Variants in EDA observed in about 807,000 individuals in gnomAD.
The protein encoded by EDA is ectodysplasin-A.
A neutral mutation model predicts 23.6 loss-of-function variants in EDA; 2 were observed. The ratio of observed to expected loss-of-function variants is 0.08; its 90% confidence interval spans 0.03 to 0.27. The LOEUF (loss-of-function observed/expected upper bound fraction) is 0.27, where lower values mean the gene tolerates loss of function less well. Ranked by LOEUF, EDA falls within the 10% of genes least tolerant of loss-of-function variation. The pLI is 1.00. For missense variants in EDA, 229 were observed against 324.2 expected (o/e 0.71, Z 2.26); for synonymous variants, 131 against 132.0 (o/e 0.99, Z 0.05).
At position 69,833,405 on chromosome X, in the gene EDA, A is replaced by G. The variant is rs2016674817; in HGVS notation, c.397-123622A>G. Among the ~76,000 whole-genome samples the G allele has an allele frequency of 2.7e-5, 3 of 111,172 alleles. No homozygotes were observed. In the South Asian group the frequency reaches 1.1e-3, roughly 42 times the overall value. ...GATGAAGCTGACTTGATCGTGGTGGATAAGCTTTTTGCTGTGCTGCTGGAT... is the reference window on the plus strand; with the variant it reads ...GATGAAGCTGACTTGATCGTGGTGGGTAAGCTTTTTGCTGTGCTGCTGGAT... On this transcript the variant is annotated intron_variant, in intron 1 of 7. Coordinates refer to ENST00000374552, the MANE Select transcript of EDA (RefSeq NM_001399.5).
chrX:69,808,534 C>G (rs2015868040), intron 1 of EDA, among the ~76,000 whole-genome samples: 1 of 111,644 alleles, frequency 9.0e-6, no homozygotes, highest in Non-Finnish European at 1.9e-5. Context: ...GACTCAAAGC[C>G]TCCAACCTAA....
At chrX:69,809,307 G>C (rs1216090061) in intron 1 of EDA, among the ~76,000 whole-genome samples, 1 of 111,016 alleles carries the variant, frequency 9.0e-6, no homozygotes, top group Non-Finnish European at 1.9e-5. Flanking sequence ...ACTAACAATC[G>C]TGGCAGAAGG....
intron 1 of EDA, among the ~76,000 whole-genome samples, chrX:69,686,664 A>G (rs1934553310): frequency 9.0e-6 from 1 of 111,502 alleles, no homozygotes; most frequent in Non-Finnish European, 1.9e-5. Context: ...CATTCTGGAC[A>G]TTTCATTTAA....
At chrX:69,678,228 T>C (rs1171211135) in intron 1 of EDA, among the ~76,000 whole-genome samples, 1 of 109,857 alleles carries the variant, frequency 9.1e-6, no homozygotes, top group South Asian at 4.0e-4. Flanking sequence ...ACTGTAGCCT[T>C]GTAGTATAGT....
intron 1 of EDA, among the ~76,000 whole-genome samples, chrX:69,818,719 C>T (rs1388424115): frequency 9.0e-6 from 1 of 111,076 alleles, no homozygotes; most frequent in African/African-American, 3.3e-5. Flanking sequence ...ATTGGGTCAG[C>T]AATAAATAGC....
chrX:70,028,062 A>AC, intron 4 of EDA, 26 bp downstream of exon 4: 1 of 1,192,933 alleles, frequency 8.4e-7, no homozygotes, highest in Non-Finnish European at 1.1e-6. Flanking sequence ...TCTCCACCCC[A>AC]CCAGGTGCCT....
At chrX:69,997,804 G>A (rs1255275678) in intron 2 of EDA, among the ~76,000 whole-genome samples, 1 of 112,474 alleles carries the variant, frequency 8.9e-6, no homozygotes, top group Non-Finnish European at 1.9e-5. Flanking sequence ...TAGAGCTTAG[G>A]CCATAGCTTC....
chrX:69,726,501 A>C (rs2012806902), intron 1 of EDA, among the ~76,000 whole-genome samples: 1 of 112,613 alleles, frequency 8.9e-6, no homozygotes, highest in Non-Finnish European at 1.9e-5. Context: ...AAATCTTTGG[A>C]GGAAGATAAT....
intron 1 of EDA, among the ~76,000 whole-genome samples, chrX:69,701,481 A>G (rs192356192): frequency 2.4e-3 from 266 of 112,057 alleles, no homozygotes; most frequent in African/African-American, 7.7e-3. Flanking sequence ...AGGGCCCCTT[A>G]TGGTGGAGGC....
At position 69,818,866 on chromosome X, in the gene EDA, A is replaced by G. The variant is rs1460180762; in HGVS notation, c.397-138161A>G. ...GAAAGACTCCTCTCAAACTCGTTTT[A>G]TGAAGCCAGTATCATCCTGATACCA... On this transcript the variant is annotated intron_variant, in intron 1 of 7. Coordinates refer to ENST00000374552, the MANE Select transcript of EDA (RefSeq NM_001399.5). Among the ~76,000 whole-genome samples, 6 of 112,263 alleles carry G rather than the reference A, an allele frequency of 5.3e-5. No homozygotes were observed. In the Admixed American group the frequency reaches 5.7e-4, roughly 11 times the overall value.
At chrX:69,824,306 G>A (rs1198892515) in intron 1 of EDA, among the ~76,000 whole-genome samples, 9 of 110,074 alleles carry the variant, frequency 8.2e-5, no homozygotes, top group Admixed American at 6.8e-4. Context: ...CCATTTTCAC[G>A]ATATTGATTC....
At chrX:69,910,374 A>AGAGAGAGTGTGTGTGTGTGT (rs1191245556) in intron 1 of EDA, among the ~76,000 whole-genome samples, 1 of 41,746 alleles carries the variant, frequency 2.4e-5, no homozygotes, top group East Asian at 7.4e-4. Flanking sequence ...AGAGAGAGAG[A>AGAGAGAGTGTGTGTGTGTGT]GTGTGTGTGT....
chrX:69,683,175 A>T, intron 1 of EDA, among the ~76,000 whole-genome samples: 1 of 111,324 alleles, frequency 9.0e-6, no homozygotes, highest in East Asian at 2.8e-4. Flanking sequence ...TAAGTACTCT[A>T]ATGTCTTGGC....
chrX:70,018,109 A>G (rs1244542192), intron 2 of EDA, among the ~76,000 whole-genome samples: 1 of 111,747 alleles, frequency 8.9e-6, no homozygotes, highest in East Asian at 2.8e-4. Flanking sequence ...CAACAGCCCA[A>G]AAAGAATAAA....
chrX:69,747,056 C>T (rs2013646318), intron 1 of EDA, among the ~76,000 whole-genome samples: 1 of 111,875 alleles, frequency 8.9e-6, no homozygotes, highest in South Asian at 3.8e-4. Context: ...TGAATAGATA[C>T]AATTCCCTCC....
chrX:69,743,340 G>A (rs773899652), intron 1 of EDA, among the ~76,000 whole-genome samples: 1 of 111,606 alleles, frequency 9.0e-6, no homozygotes, highest in Admixed American at 9.5e-5. Context: ...GAAGAGGACT[G>A]GACCATAATA....
chrX:69,745,435 C>G (rs981583657), intron 1 of EDA, among the ~76,000 whole-genome samples: 7 of 111,331 alleles, frequency 6.3e-5, no homozygotes, highest in Admixed American at 2.9e-4. Context: ...GTTAATGATC[C>G]TGAGTCCTGC....
chrX:69,925,927 G>C (rs182257067), intron 1 of EDA, among the ~76,000 whole-genome samples: 5 of 110,003 alleles, frequency 4.5e-5, no homozygotes, highest in Non-Finnish European at 1.9e-5. Flanking sequence ...ATTTCTTCTA[G>C]ATTTTCTAGT....
At chrX:69,817,467 G>A (rs1243372791) in intron 1 of EDA, among the ~76,000 whole-genome samples, 1 of 111,865 alleles carries the variant, frequency 8.9e-6, no homozygotes, top group Non-Finnish European at 1.9e-5. Flanking sequence ...GCTGTCTTCA[G>A]CAGACCCATC....
Sources: gnomAD v4.1 joint callset for allele counts (sites outside exome capture counted in the v4.1 genomes callset) on GRCh38, gnomAD v4.1.1 for gene constraint, MANE v1.5 for transcripts, NCBI Gene and HGNC (gene_info 2026-07-23, HGNC 2026-07-21) for gene names.